Variants in CPNE8 observed in about 807,000 individuals in gnomAD.
CPNE8 encodes the protein copine 8.
A neutral mutation model predicts 81.5 loss-of-function variants in CPNE8; 45 were observed. That is an observed-to-expected ratio of 0.55 (90% CI 0.44 to 0.71). The LOEUF is 0.71. CPNE8 is among the 30% of genes least tolerant of loss of function. The pLI is 0.00. For missense variants in CPNE8, 594 were observed against 672.1 expected (o/e 0.88, Z 1.28); for synonymous variants, 252 against 226.3 (o/e 1.11, Z -1.02).
chr12:38,704,826 GTA>G (rs573232937), intron 13 of CPNE8, among the ~76,000 whole-genome samples: 6,036 of 50,114 alleles, frequency 0.12, 970 homozygotes, highest in East Asian at 0.52. Flanking sequence ...GTATGTATGT[GTA>G]TATATATATA....
chr12:38,820,942 A>T (rs1297098011), intron 6 of CPNE8, among the ~76,000 whole-genome samples: 1 of 152,132 alleles, frequency 6.6e-6, no homozygotes, highest in African/African-American at 2.4e-5. Flanking sequence ...TTCAACCTAG[A>T]CCATCAACCT....
At chr12:38,751,663 T>TA (rs1194691475) in intron 10 of CPNE8, among the ~76,000 whole-genome samples, 1 of 152,084 alleles carries the variant, frequency 6.6e-6, no homozygotes, top group Non-Finnish European at 1.5e-5. Context: ...GTGATAGAGT[T>TA]AATCCTAATT....
At chr12:38,836,571 G>A (rs1943384391) in intron 5 of CPNE8, among the ~76,000 whole-genome samples, 1 of 152,038 alleles carries the variant, frequency 6.6e-6, no homozygotes, top group South Asian at 2.1e-4. Context: ...CTAATTCAAG[G>A]GGTCTCTCTT....
In CPNE8 at chr12:38,654,088, G is replaced by T. The variant is rs115353283; in HGVS notation, c.1507-18C>A. 1,354 of 1,571,928 alleles carry T rather than the reference G, an allele frequency of 8.6e-4. 10 individuals carry two copies. In the African/African-American group the frequency reaches 0.016, roughly 18 times the overall value. On this transcript the variant is annotated intron_variant, in intron 19 of 19. Transcript: ENST00000331366. ...GGCACAAACTAAAACAGAGACGAAA[G>T]AAAGTTATTTCACAGACTTTAGCAG...
chr12:38,748,930 A>G (rs1941296788), intron 10 of CPNE8, among the ~76,000 whole-genome samples: 1 of 152,158 alleles, frequency 6.6e-6, no homozygotes, highest in East Asian at 1.9e-4. Flanking sequence ...TAAATAGTTT[A>G]CATTAGTTTA....
chr12:38,753,871 G>GA (rs1447980137), intron 10 of CPNE8, among the ~76,000 whole-genome samples: 1 of 152,044 alleles, frequency 6.6e-6, no homozygotes, highest in East Asian at 1.9e-4. Context: ...GTACGTATAA[G>GA]AAAAAATAGA....
chr12:38,845,409 A>G (rs562060104), intron 4 of CPNE8, among the ~76,000 whole-genome samples: 200 of 152,146 alleles, frequency 1.3e-3, no homozygotes, highest in African/African-American at 4.5e-3. Flanking sequence ...CTCTGTATGT[A>G]TTTACTTAAG....
Position 38,814,836 on chromosome 12 carries a change from T to G in CPNE8, c.407+14543A>C, listed in dbSNP as rs1317341456. ...AAATAATATAGCTTTTTATTTCTTG[T>G]TTAGTGTCCTCTTAGAAACCTCTGT... On this transcript the variant is annotated intron_variant, in intron 6 of 19. Transcript: ENST00000331366. 3.3e-5 allele frequency among the ~76,000 whole-genome samples: 5 copies of G among 152,278 alleles called. No homozygotes were observed. In the South Asian group the frequency reaches 1.0e-3, roughly 32 times the overall value.
intron 10 of CPNE8, among the ~76,000 whole-genome samples, chr12:38,738,359 G>A (rs1941001874): frequency 6.6e-6 from 1 of 152,060 alleles, no homozygotes; most frequent in South Asian, 2.1e-4. Context: ...AATTGTTGCT[G>A]TTGTCATTTT....
chr12:38,874,750 T>C (rs1460883719), intron 1 of CPNE8, among the ~76,000 whole-genome samples: 1 of 152,132 alleles, frequency 6.6e-6, no homozygotes, highest in Non-Finnish European at 1.5e-5. Context: ...AGACTTTCAT[T>C]CCACTTAACC....
rs189813234 is a variant in CPNE8 at position 38,692,196 on chromosome 12, C to T, written c.1143+1461G>A. 2.5e-3 allele frequency among the ~76,000 whole-genome samples: 385 copies of T among 151,862 alleles called. 1 individual carries two copies. Among genetic ancestry groups the T allele is most frequent in the African/African-American group, 8.8e-3 (364 of 41,436 alleles). ...CCTAGCTACCTGGGAAGCTGAGGCA[C>T]GAGAACTGCTTGAACCGGGGAGGCA... On this transcript the variant is annotated intron_variant, in intron 15 of 19. Coordinates refer to ENST00000331366, the MANE Select transcript of CPNE8 (RefSeq NM_153634.3).
chr12:38,902,213 GAA>G (rs986013356), intron 1 of CPNE8, among the ~76,000 whole-genome samples: 2 of 117,614 alleles, frequency 1.7e-5, no homozygotes, highest in African/African-American at 6.7e-5. Flanking sequence ...AAGAAAGAAA[GAA>G]AGAGAAAGAG....
intron 9 of CPNE8, 24 bp from the exon 10 acceptor site, chr12:38,760,912 A>G (rs1592066818): frequency 6.6e-7 from 1 of 1,524,978 alleles, no homozygotes; most frequent in Non-Finnish European, 8.8e-7. Flanking sequence ...AAACATACAC[A>G]TAAAGTTACT....
chr12:38,737,087 A>G (rs1029463234), intron 10 of CPNE8, among the ~76,000 whole-genome samples: 13 of 152,006 alleles, frequency 8.6e-5, no homozygotes, highest in African/African-American at 3.1e-4. Context: ...ACTATAGGCC[A>G]GTAAGTTGTA....
chr12:38,678,579 A>G (rs151034517), intron 16 of CPNE8, among the ~76,000 whole-genome samples: 64 of 152,052 alleles, frequency 4.2e-4, no homozygotes, highest in Middle Eastern at 3.4e-3. Flanking sequence ...AAGGAGCCCA[A>G]TGAATCCCAT....
chr12:38,877,155 T>A (rs1944079262), intron 1 of CPNE8, among the ~76,000 whole-genome samples: 1 of 152,176 alleles, frequency 6.6e-6, no homozygotes, highest in Non-Finnish European at 1.5e-5. Flanking sequence ...ACTTCTTATT[T>A]TCTATGAGTA....
chr12:38,881,209 C>A (rs1441420100), intron 1 of CPNE8, among the ~76,000 whole-genome samples: 31 of 126,490 alleles, frequency 2.5e-4, no homozygotes, highest in African/African-American at 6.3e-4. Context: ...GATTCCGTCT[C>A]AAAAAAAAAA....
At chr12:38,664,250 G>A (rs1338942903) in intron 19 of CPNE8, among the ~76,000 whole-genome samples, 1 of 151,858 alleles carries the variant, frequency 6.6e-6, no homozygotes, top group Non-Finnish European at 1.5e-5. Flanking sequence ...TATGTATAAT[G>A]TCAATAATAA....
At chr12:38,796,145 G>T (rs1479515479) in intron 6 of CPNE8, among the ~76,000 whole-genome samples, 1 of 152,102 alleles carries the variant, frequency 6.6e-6, no homozygotes, top group Non-Finnish European at 1.5e-5. Context: ...AAATTAGCCA[G>T]ATGTGGCAGT....
Sources: gnomAD v4.1 joint callset for allele counts (sites outside exome capture counted in the v4.1 genomes callset) on GRCh38, gnomAD v4.1.1 for gene constraint, MANE v1.5 for transcripts, NCBI Gene and HGNC (gene_info 2026-07-23, HGNC 2026-07-21) for gene names.